TRIQK: variants seen among roughly 807,000 people sequenced by gnomAD.
The protein encoded by TRIQK is triple QxxK/R motif containing, also known as triple QxxK/R motif-containing protein.
Under a neutral mutation model 10.8 loss-of-function variants are expected in TRIQK, and 10 were observed. That is an observed-to-expected ratio of 0.92 (90% CI 0.57 to 1.57). The LOEUF (loss-of-function observed/expected upper bound fraction) is 1.57. TRIQK is among the 40% of genes most tolerant of loss of function. TRIQK has a pLI of 0.00. For synonymous variants in TRIQK, 33 were observed against 33.7 expected (o/e 0.98, Z 0.07); for missense variants, 107 against 97.7 (o/e 1.09, Z -0.40).
chr8:92,942,985 G>T (rs111545553), intron 2 of TRIQK, among the ~76,000 whole-genome samples: 2 of 151,752 alleles, frequency 1.3e-5, no homozygotes, highest in Non-Finnish European at 2.9e-5. Flanking sequence ...AAGCCACTAC[G>T]CTTGGCTGAC....
chr8:92,962,677 CA>C (rs1812519844), intron 1 of TRIQK, among the ~76,000 whole-genome samples: 1 of 152,180 alleles, frequency 6.6e-6, no homozygotes, highest in Non-Finnish European at 1.5e-5. Context: ...TTCTTCTTCA[CA>C]GCTTACCAAA....
chr8:92,946,545 A>G (rs1438410696), intron 2 of TRIQK, among the ~76,000 whole-genome samples: 1 of 152,170 alleles, frequency 6.6e-6, no homozygotes, highest in East Asian at 1.9e-4. Context: ...CCTGTCTTTA[A>G]AATTGCCCTA....
At chr8:92,989,110 A>C (rs113846471) in intron 1 of TRIQK, among the ~76,000 whole-genome samples, 1 of 152,194 alleles carries the variant, frequency 6.6e-6, no homozygotes, top group Non-Finnish European at 1.5e-5. Context: ...ATAATACTGC[A>C]TATCAGGAAT....
intron 1 of TRIQK, chr8:92,960,451 C>T (rs1812401796): frequency 6.6e-6 from 1 of 152,086 alleles, no homozygotes; most frequent in South Asian, 2.1e-4. Flanking sequence ...AATGTTCCCC[C>T]AATCCAAAAA....
At chr8:92,992,486 G>A (rs1163477048) in intron 1 of TRIQK, among the ~76,000 whole-genome samples, 1 of 152,160 alleles carries the variant, frequency 6.6e-6, no homozygotes, top group Non-Finnish European at 1.5e-5. Context: ...GAGAGGAGAG[G>A]AGCCAAACTC....
intron 1 of TRIQK, among the ~76,000 whole-genome samples, chr8:93,002,547 T>A (rs567076426): frequency 6.6e-6 from 1 of 152,204 alleles, no homozygotes; most frequent in African/African-American, 2.4e-5. Flanking sequence ...TCTACCAAGA[T>A]AGAATTATGA....
intron 3 of TRIQK, among the ~76,000 whole-genome samples, chr8:92,895,524 G>C (rs767838511): frequency 2.6e-5 from 4 of 152,264 alleles, no homozygotes; most frequent in Non-Finnish European, 4.4e-5. Flanking sequence ...GAGATGTAAG[G>C]AAAGTCTGAA....
chr8:92,888,265 A>G (rs1816586983), intron 4 of TRIQK, among the ~76,000 whole-genome samples: 1 of 151,660 alleles, frequency 6.6e-6, no homozygotes, highest in Admixed American at 6.6e-5. Context: ...GCCATGATTC[A>G]TATCTTATTG....
chr8:92,941,074 T>G (rs1811249527), intron 2 of TRIQK: 1 of 151,986 alleles, frequency 6.6e-6, no homozygotes, highest in African/African-American at 2.4e-5. Context: ...TATTATTTAT[T>G]TATTTATTTT....
At chr8:92,951,107 T>C (rs557864014) in intron 2 of TRIQK, among the ~76,000 whole-genome samples, 1 of 152,266 alleles carries the variant, frequency 6.6e-6, no homozygotes, top group East Asian at 1.9e-4. Context: ...GTTATTTTTT[T>C]ATTGTTGTAT....
chr8:93,001,882 G>A (rs1813214507), intron 1 of TRIQK, among the ~76,000 whole-genome samples: 1 of 152,108 alleles, frequency 6.6e-6, no homozygotes, highest in African/African-American at 2.4e-5. Flanking sequence ...TTATATGTTA[G>A]GGCACAAAAC....
At chr8:92,923,986 A>C (rs1810315213) in intron 2 of TRIQK, among the ~76,000 whole-genome samples, 2 of 151,988 alleles carry the variant, frequency 1.3e-5, no homozygotes, top group African/African-American at 4.8e-5. Flanking sequence ...GTGACATTTA[A>C]ATACATATCA....
chr8:92,884,729 C>A lies in TRIQK; in HGVS notation c.*1893G>T. On this transcript the variant is annotated 3_prime_UTR_variant, in exon 5 of 5. Transcript: ENST00000521988. The stretch of plus-strand genomic sequence containing the variant: ...ATCTAATAAGCAATTATTACATATC[C>A]TCTCATTTAAATTACCACTGAAAAC... 4.9e-6 allele frequency: 2 copies of A among 411,952 alleles called. No homozygotes were observed. Among genetic ancestry groups the A allele is most frequent in the Non-Finnish European group, 9.8e-6 (2 of 204,940 alleles). 25.5% of individuals were successfully genotyped at this position (411,952 alleles called of 1,614,324 possible).
Position 92,980,552 on chromosome 8 carries a change from G to A in TRIQK, c.-180-25988C>T, listed in dbSNP as rs151216730. ...GCAGAACTCACTATCTGGGTAAAAA[G>A]TATCTGGACCTGGTGCTGCTTCAGT... On this transcript the variant is annotated intron_variant, in intron 1 of 4. Transcript: ENST00000520686. Among the ~76,000 whole-genome samples the A allele has an allele frequency of 2.7e-3, 413 of 152,112 alleles. 1 individual carries two copies. Among genetic ancestry groups the A allele is most frequent in the Non-Finnish European group, 4.3e-3 (291 of 67,944 alleles).
At chr8:92,962,176 T>A (rs2130714749) in intron 1 of TRIQK, among the ~76,000 whole-genome samples, 1 of 152,270 alleles carries the variant, frequency 6.6e-6, no homozygotes, top group Non-Finnish European at 1.5e-5. Flanking sequence ...AATAGGAAAT[T>A]TGAGAATATC....
rs754400965 is a variant in TRIQK at position 92,916,954 on chromosome 8, A to G, written c.36T>C (p.Pro12=). ...CAATTTGTTTTCTGTACTGATCAAC[A>G]GGAAGTTTTATAGTAGCAGCATCTT... ...GRKDAATIKL[P]VDQYRKQIGK... The change falls in exon 3 of 5, where the codon CCT becomes CCC. Residue 12 remains proline, a synonymous_variant. Coordinates refer to ENST00000521988, the MANE Select transcript of TRIQK (RefSeq NM_001171797.2). The G allele has an allele frequency of 2.9e-5, 44 of 1,506,104 alleles. No homozygotes were observed. Among genetic ancestry groups the G allele is most frequent in the Non-Finnish European group, 3.6e-5 (41 of 1,133,186 alleles). The allele number at this position is 1,506,104 out of a possible 1,614,324, so 93.3% of individuals were successfully genotyped here. A position where few individuals can be genotyped will look rare whatever the true frequency, so the allele number is the denominator to read the frequency against.
chr8:92,955,130 T>A (rs763095056), intron 1 of TRIQK, among the ~76,000 whole-genome samples: 1 of 151,904 alleles, frequency 6.6e-6, no homozygotes, highest in Non-Finnish European at 1.5e-5. Flanking sequence ...AATGAACTTA[T>A]GTCAAGTTTT....
chr8:93,000,063 T>A (rs929996885), intron 1 of TRIQK, among the ~76,000 whole-genome samples: 2 of 152,152 alleles, frequency 1.3e-5, no homozygotes, highest in Non-Finnish European at 2.9e-5. Context: ...CTAAACACTA[T>A]TAAACAATTT....
intron 1 of TRIQK, among the ~76,000 whole-genome samples, chr8:92,996,888 G>GA (rs1813157205): frequency 1.3e-5 from 2 of 151,964 alleles, no homozygotes; most frequent in Admixed American, 6.6e-5. Context: ...TTAGCAAGCA[G>GA]AAAAAAGTGT....
Sources: gnomAD v4.1 joint callset for allele counts (sites outside exome capture counted in the v4.1 genomes callset) on GRCh38, gnomAD v4.1.1 for gene constraint, MANE v1.5 for transcripts, NCBI Gene and HGNC (gene_info 2026-07-23, HGNC 2026-07-21) for gene names.